The following THSD7B variants were observed in gnomAD, a reference collection of about 807,000 sequenced individuals.
The protein encoded by THSD7B is thrombospondin type 1 domain containing 7B.
THSD7B carries 138 observed loss-of-function variants against 213.6 expected under a neutral mutation model. The ratio of observed to expected loss-of-function variants is 0.65; its 90% CI spans 0.56 to 0.74. The LOEUF (loss-of-function observed/expected upper bound fraction) is 0.74, where lower values mean the gene tolerates loss of function less well. THSD7B is among the 30% of genes least tolerant of loss of function. THSD7B has a pLI of 0.00. For missense variants in THSD7B, 1,931 were observed against 1,991.5 expected (o/e 0.97, Z 0.58); for synonymous variants, 742 against 687.0 (o/e 1.08, Z -1.25).
chr2:137,303,674 ATATATATATTTATATATATT>A (rs1314509833), intron 12 of THSD7B, among the ~76,000 whole-genome samples: 1 of 115,562 alleles, frequency 8.7e-6, no homozygotes, highest in Admixed American at 8.8e-5. Context: ...ATATATATTA[ATATATATATTTATATATATT>A]TATATATATT....
intron 2 of THSD7B, among the ~76,000 whole-genome samples, chr2:136,891,056 C>A (rs1683846469): frequency 6.6e-6 from 1 of 150,962 alleles, no homozygotes; most frequent in African/African-American, 2.4e-5. Context: ...TTTTTTATTT[C>A]TACAATCCCT....
chr2:137,355,342 G>T lies in THSD7B; in HGVS notation c.2501-50271G>T, dbSNP rs111605063. ...TTGAAACTTGTGTTACAAAATAAGT[G>T]ATATCATATGGCTGACATTTATTTT... is the stretch of plus-strand genomic sequence containing the variant. On this transcript the variant is annotated intron_variant, in intron 12 of 27. Coordinates refer to ENST00000409968, the MANE Select transcript of THSD7B (RefSeq NM_001316349.2). 5.3e-3 allele frequency among the ~76,000 whole-genome samples: 801 copies of T among 152,158 alleles called. 6 individuals carry two copies. The highest frequency in any genetic ancestry group is 0.018 in the African/African-American group (759 of 41,506).
intron 14 of THSD7B, among the ~76,000 whole-genome samples, chr2:137,448,491 A>C (rs1687584302): frequency 6.6e-6 from 1 of 152,224 alleles, no homozygotes; most frequent in Non-Finnish European, 1.5e-5. Flanking sequence ...GGCAGTCCTC[A>C]GAATCATCTG....
chr2:137,060,691 A>G (rs1480084228), intron 3 of THSD7B, among the ~76,000 whole-genome samples: 2 of 152,044 alleles, frequency 1.3e-5, no homozygotes, highest in Middle Eastern at 3.4e-3. Flanking sequence ...AGTCTGTTCT[A>G]TGCCTTCAAT....
At chr2:137,107,048 C>A (rs10204533) in intron 4 of THSD7B, among the ~76,000 whole-genome samples, 3,052 of 152,210 alleles carry the variant, frequency 0.02, 106 homozygotes, top group African/African-American at 0.068. Flanking sequence ...TGGGTATATA[C>A]CCTAAGGATT....
intron 1 of THSD7B, among the ~76,000 whole-genome samples, chr2:136,849,881 T>G (rs1683070371): frequency 6.6e-6 from 1 of 152,174 alleles, no homozygotes; most frequent in Non-Finnish European, 1.5e-5. Context: ...TAATAGTTTT[T>G]TTATATTTGC....
intron 2 of THSD7B, among the ~76,000 whole-genome samples, chr2:136,905,330 A>C (rs1196662853): frequency 2.6e-5 from 4 of 151,848 alleles, no homozygotes; most frequent in African/African-American, 9.7e-5. Context: ...CTCTTTCTTC[A>C]CTCTGAGTTT....
chr2:137,259,937 G>A (rs897438216), intron 10 of THSD7B, among the ~76,000 whole-genome samples: 12 of 151,310 alleles, frequency 7.9e-5, no homozygotes, highest in African/African-American at 2.9e-4. Flanking sequence ...GTGTGTGCGT[G>A]TGTGTGTGTG....
At chr2:137,238,564 TGAGACGGAGTCTCGCTC>T (rs1681825191) in intron 9 of THSD7B, among the ~76,000 whole-genome samples, 1 of 83,408 alleles carries the variant, frequency 1.2e-5, no homozygotes, top group Admixed American at 1.4e-4. Flanking sequence ...TTTTTTTTTT[TGAGACGGAGTCTCGCTC>T]TGTCGCCCAG....
chr2:136,772,686 G>A (rs1681530161), intron 1 of THSD7B, among the ~76,000 whole-genome samples: 1 of 152,080 alleles, frequency 6.6e-6, no homozygotes, highest in Non-Finnish European at 1.5e-5. Context: ...GATTTGGTGA[G>A]GTGAGTGCTC....
intron 2 of THSD7B, among the ~76,000 whole-genome samples, chr2:136,950,853 C>T (rs1381185413): frequency 6.6e-6 from 1 of 152,168 alleles, no homozygotes; most frequent in African/African-American, 2.4e-5. Flanking sequence ...GCGTGGCATT[C>T]TCTTGATGTG....
At chr2:137,164,186 A>T (rs144339120) in intron 6 of THSD7B, among the ~76,000 whole-genome samples, 2 of 152,150 alleles carry the variant, frequency 1.3e-5, no homozygotes, top group African/African-American at 4.8e-5. Context: ...TTGTGCTGAG[A>T]GTAGCTTAAG....
intron 15 of THSD7B, among the ~76,000 whole-genome samples, chr2:137,533,873 A>T (rs77527862): frequency 0.021 from 3,137 of 151,952 alleles, 104 homozygotes; most frequent in African/African-American, 0.071. Flanking sequence ...ATAAAAGCAC[A>T]ATAAAAACTT....
In THSD7B at chr2:137,078,154, C is replaced by T. The variant is rs1573808576; in HGVS notation, c.951-16719C>T. Among the ~76,000 whole-genome samples the T allele has an allele frequency of 2.0e-5, 3 of 152,278 alleles. No individual in the cohort carries two copies. The East Asian group carries it at 5.8e-4, about 29-fold the overall frequency. ...TAGTTGTAGATATGCGGCATTATTT[C>T]TGAGGGCTCTGTTCTGTTCCATTGA... On this transcript the variant is annotated intron_variant, in intron 3 of 27. Coordinates refer to ENST00000409968, the MANE Select transcript of THSD7B (RefSeq NM_001316349.2).
Position 137,654,313 on chromosome 2 carries a change from G to A in THSD7B, c.3946-1188G>A, listed in dbSNP as rs970420465. On this transcript the variant is annotated intron_variant, in intron 21 of 27. Transcript: ENST00000409968. ...AACCAACCTCCTACAGCGTGGTACT[G>A]CTGAACAGCCACTTTGACTTGGTAT... Among the ~76,000 whole-genome samples, 8 of 152,192 alleles carry A rather than the reference G, an allele frequency of 5.3e-5. No homozygotes were observed. The East Asian group carries it at 1.3e-3, about 26-fold the overall frequency.
At chr2:137,467,885 A>T (rs920520632) in intron 15 of THSD7B, among the ~76,000 whole-genome samples, 22 of 152,300 alleles carry the variant, frequency 1.4e-4, no homozygotes, top group African/African-American at 5.3e-4. Flanking sequence ...CCCAAATCAG[A>T]TAAGCAATAC....
chr2:137,374,554 A>G (rs1244510112), intron 12 of THSD7B, among the ~76,000 whole-genome samples: 3 of 152,182 alleles, frequency 2.0e-5, no homozygotes, highest in Non-Finnish European at 2.9e-5. Flanking sequence ...AATGCCTTCT[A>G]AGTGATGTAT....
At chr2:136,823,231 A>G (rs1682594002) in intron 1 of THSD7B, among the ~76,000 whole-genome samples, 1 of 152,236 alleles carries the variant, frequency 6.6e-6, no homozygotes, top group Non-Finnish European at 1.5e-5. Context: ...AGGAGCTCTT[A>G]GTACTAACGT....
chr2:137,420,959 A>C (rs1166110801), intron 14 of THSD7B, among the ~76,000 whole-genome samples: 1 of 152,100 alleles, frequency 6.6e-6, no homozygotes, highest in African/African-American at 2.4e-5. Flanking sequence ...TCCTTGGCTC[A>C]TGGCCTCTTC....
Sources: gnomAD v4.1 joint callset for allele counts (sites outside exome capture counted in the v4.1 genomes callset) on GRCh38, gnomAD v4.1.1 for gene constraint, MANE v1.5 for transcripts, NCBI Gene and HGNC (gene_info 2026-07-23, HGNC 2026-07-21) for gene names.